VPS13B: variants seen among roughly 807,000 people sequenced by gnomAD.
The protein encoded by VPS13B is vacuolar protein sorting 13 homolog B, also known as intermembrane lipid transfer protein VPS13B.
VPS13B carries 285 observed loss-of-function variants against 426.4 expected under a neutral mutation model. That is an observed-to-expected ratio of 0.67 (90% confidence interval 0.61 to 0.74). The LOEUF (loss-of-function observed/expected upper bound fraction) is 0.74, where lower values mean the gene tolerates loss of function less well. Ranked by LOEUF, VPS13B falls within the 30% of genes least tolerant of loss-of-function variation. VPS13B has a pLI of 0.00. For missense variants in VPS13B, 4,537 were observed against 4,782.6 expected, an observed-to-expected ratio of 0.95 and a Z score of 1.51; for synonymous variants, 1,676 against 1,676.4, an observed-to-expected ratio of 1.00 and a Z score of 0.01.
At chr8:99,260,948 A>T (rs1818008441) in intron 17 of VPS13B, among the ~76,000 whole-genome samples, 1 of 151,918 alleles carries the variant, frequency 6.6e-6, no homozygotes, top group Admixed American at 6.6e-5. Context: ...TCTTTTTTTA[A>T]AAAAAAACTT....
At chr8:99,190,913 C>A (rs897225505) in intron 16 of VPS13B, among the ~76,000 whole-genome samples, 1 of 152,084 alleles carries the variant, frequency 6.6e-6, no homozygotes, top group Non-Finnish European at 1.5e-5. Flanking sequence ...ACAAATATTT[C>A]CATCTGGTAT....
intron 26 of VPS13B, 68 bp downstream of exon 26, chr8:99,501,926 CCCTT>C (rs1176191026): frequency 2.7e-4 from 284 of 1,068,448 alleles, no homozygotes; most frequent in South Asian, 5.2e-4. Context: ...CTCCCTCCCT[CCCTT>C]CCTTCCTTCC....
At chr8:99,081,363 G>A (rs1183708841) in intron 3 of VPS13B, among the ~76,000 whole-genome samples, 2 of 151,990 alleles carry the variant, frequency 1.3e-5, no homozygotes, top group Non-Finnish European at 2.9e-5. Context: ...TTTTTATCTA[G>A]TCAGCCTTTA....
intron 24 of VPS13B, among the ~76,000 whole-genome samples, chr8:99,468,266 A>G (rs1156679086): frequency 6.6e-6 from 1 of 152,040 alleles, no homozygotes. Flanking sequence ...CTGTCCTTGC[A>G]ATAATTTGCT....
In VPS13B at chr8:99,503,014, C is replaced by T. The variant is rs1254483684; in HGVS notation, c.4157+64C>T. On this transcript the variant is annotated intron_variant, in intron 27 of 61. Coordinates refer to ENST00000357162, the MANE Select transcript of VPS13B (RefSeq NM_152564.5). ...TTCTTTGAACAAAGTTACCATAAGA[C>T]TTTTTCTATTTTAATTTGGCTGGTT... 4.0e-6 allele frequency: 5 copies of T among 1,247,436 alleles called. No homozygotes were observed. The African/African-American group carries it at 4.5e-5, about 11-fold the overall frequency. The allele number at this position is 1,247,436 out of a possible 1,614,324, so 77.3% of individuals were successfully genotyped here. A position where few individuals can be genotyped will look rare whatever the true frequency, so the allele number is the denominator to read the frequency against.
At chr8:99,209,008 G>A (rs1814904982) in intron 17 of VPS13B, among the ~76,000 whole-genome samples, 1 of 152,152 alleles carries the variant, frequency 6.6e-6, no homozygotes, top group East Asian at 1.9e-4. Flanking sequence ...CGACTGGGCA[G>A]GGTGGCTCAT....
chr8:99,065,829 T>G (rs1249007776), intron 3 of VPS13B, among the ~76,000 whole-genome samples: 1 of 152,188 alleles, frequency 6.6e-6, no homozygotes, highest in African/African-American at 2.4e-5. Context: ...AAAATCAATG[T>G]GCAAAAATCA....
intron 17 of VPS13B, among the ~76,000 whole-genome samples, chr8:99,263,805 G>C (rs752789782): frequency 6.6e-6 from 1 of 152,144 alleles, no homozygotes; most frequent in East Asian, 1.9e-4. Context: ...CACAGGTCCT[G>C]AGGTTTAGCA....
chr8:99,806,443 C>G (rs1813405483), intron 43 of VPS13B, among the ~76,000 whole-genome samples: 1 of 152,216 alleles, frequency 6.6e-6, no homozygotes, highest in South Asian at 2.1e-4. Context: ...CAGACCCTTC[C>G]TTAACTGGAC....
At chr8:99,115,617 A>G in intron 6 of VPS13B, 83 bp from the exon 7 acceptor site, 1 of 1,358,982 alleles carries the variant, frequency 7.4e-7, no homozygotes. Context: ...TATGCCATTT[A>G]AAGACTTTAA....
intron 19 of VPS13B, among the ~76,000 whole-genome samples, chr8:99,284,227 A>C (rs1374572008): frequency 1.3e-5 from 2 of 152,202 alleles, no homozygotes; most frequent in East Asian, 3.8e-4. Context: ...CAGATCATGA[A>C]ATTACTTTGT....
intron 21 of VPS13B, among the ~76,000 whole-genome samples, chr8:99,403,548 C>CAAA (rs200871879): frequency 7.6e-5 from 7 of 91,582 alleles, no homozygotes; most frequent in African/African-American, 2.4e-4. Context: ...GACTCTGTCT[C>CAAA]AAAAAAAAAA....
chr8:99,275,179 G>C lies in VPS13B; in HGVS notation c.2749G>C (p.Glu917Gln). ...TKWLNESRKP[E>Q]SLLAPDLMAF... is the part of the protein sequence containing the mutation. ...GTGGCTCAATGAGAGTAGAAAGCCA[G>C]AGTCTCTCTTAGCTCCAGATTTGAT... Residue 917 changes from glutamate to glutamine, a missense_variant, in exon 19 of 62, where the codon GAG becomes CAG. Around this residue, in one of 2 missense-constraint regions of VPS13B, gnomAD observed 4,311 missense variants for 4,474.3 expected, o/e 0.96. Transcript: ENST00000357162. The C allele has an allele frequency of 6.2e-7, 1 of 1,613,014 alleles. No homozygotes were observed. Among genetic ancestry groups the C allele is most frequent in the Non-Finnish European group, 8.5e-7 (1 of 1,179,470 alleles).
chr8:99,153,749 A>G (rs1228080446), intron 14 of VPS13B, among the ~76,000 whole-genome samples: 2 of 152,142 alleles, frequency 1.3e-5, no homozygotes, highest in Non-Finnish European at 2.9e-5. Context: ...AACAAAAATT[A>G]AAAGTCTTTT....
At position 99,467,533 on chromosome 8, in the gene VPS13B, T is replaced by A; in HGVS notation, c.3565T>A (p.Ser1189Thr). The change falls in exon 24 of 62, where the codon TCT (serine) becomes ACT (threonine). Residue 1189 changes from serine to threonine, a missense_variant. Physicochemically the swap from Ser to Thr is moderately conservative, Grantham distance 58. Coordinates refer to ENST00000357162, the MANE Select transcript of VPS13B (RefSeq NM_152564.5). ...MGCTSTLAVT[S>T]QKLLATGPDT... ...TTGCACCTCCACTCTAGCTGTCACG[T>A]CTCAAAAACTGCTTGCTACGGGACC... is the stretch of plus-strand genomic sequence containing the variant. 1 of 1,613,838 alleles carries A rather than the reference T, an allele frequency of 6.2e-7. No individual in the cohort carries two copies. The highest frequency in any genetic ancestry group is 8.5e-7 in the Non-Finnish European group (1 of 1,179,820).
At chr8:99,520,266 T>C (rs1266888079) in intron 29 of VPS13B, among the ~76,000 whole-genome samples, 1 of 152,138 alleles carries the variant, frequency 6.6e-6, no homozygotes, top group Non-Finnish European at 1.5e-5. Flanking sequence ...AATTAAAAAG[T>C]ATCTAGAATA....
chr8:99,134,831 A>G (rs889944219), intron 9 of VPS13B, 104 bp downstream of exon 9: 3 of 1,195,604 alleles, frequency 2.5e-6, no homozygotes, highest in Admixed American at 4.5e-5. Flanking sequence ...TACAAGTAAG[A>G]TGTTTGTTTC....
In VPS13B at chr8:99,699,506, C is replaced by T; in HGVS notation, c.6047-19C>T. The T allele has an allele frequency of 6.2e-7, 1 of 1,611,736 alleles. No homozygotes were observed. Among genetic ancestry groups the T allele is most frequent in the Non-Finnish European group, 8.5e-7 (1 of 1,179,608 alleles). ...GTAAGAAAGCTTCAATAATTGTTTT[C>T]TCTTTTTTACTTCTATAGCGGATGT... is the stretch of plus-strand genomic sequence containing the variant. On this transcript the variant is annotated intron_variant, in intron 35 of 61. Transcript: ENST00000357162.
At chr8:99,580,539 T>C (rs1319701087) in intron 33 of VPS13B, among the ~76,000 whole-genome samples, 1 of 151,832 alleles carries the variant, frequency 6.6e-6, no homozygotes, top group Non-Finnish European at 1.5e-5. Context: ...AGACAACCTT[T>C]GGCAATATTT....
Sources: gnomAD v4.1 joint callset for allele counts (sites outside exome capture counted in the v4.1 genomes callset) on GRCh38, gnomAD v4.1.1 for gene constraint, gnomAD v4.1.1 regional missense constraint, MANE v1.5 for transcripts, NCBI Gene and HGNC (gene_info 2026-07-23, HGNC 2026-07-21) for gene names.